ZNF526: variants seen among roughly 807,000 people sequenced by gnomAD.
ZNF526 encodes zinc finger protein 526.
ZNF526 carries 16 observed loss-of-function variants against 32.4 expected under a neutral mutation model. That is an observed-to-expected ratio of 0.49 (90% CI 0.33 to 0.75). ZNF526 has a LOEUF of 0.75. Ranked by LOEUF, ZNF526 falls within the 30% of genes least tolerant of loss-of-function variation. ZNF526 has a pLI of 0.02. For missense variants in ZNF526, 838 were observed against 920.7 expected, an observed-to-expected ratio of 0.91 and a Z score of 1.16; for synonymous variants, 355 against 363.4, an observed-to-expected ratio of 0.98 and a Z score of 0.26.
intron 1 of ZNF526, among the ~76,000 whole-genome samples, chr19:42,223,173 G>A (rs117813514): frequency 0.019 from 2,881 of 152,314 alleles, 41 homozygotes; most frequent in Non-Finnish European, 0.03. Flanking sequence ...AAAGGCTATG[G>A]TATTCTCAGA....
rs1239611887 is a variant in ZNF526, at chr19:42,225,689, C to A, written c.1286C>A (p.Pro429His). 2.5e-6 allele frequency: 4 copies of A among 1,611,730 alleles called. No homozygotes were observed. The highest frequency in any genetic ancestry group is 3.3e-5 in the Admixed American group (2 of 59,862). The part of the protein sequence containing the change: ...GATAPPAPAE[P>H]TPPPPPPAPP... ...ACAGCTCCCCCAGCTCCAGCGGAGC[C>A]CACCCCTCCACCACCACCCCCTGCC... The change falls in exon 3 of 3, where the codon CCC becomes CAC. Residue 429 changes from proline to histidine, a missense_variant. Coordinates refer to ENST00000301215, the MANE Select transcript of ZNF526 (RefSeq NM_133444.3).
Position 42,227,982 on chromosome 19 carries a change from C to T in ZNF526, c.*1566C>T, listed in dbSNP as rs1178304169. On this transcript the variant is annotated 3_prime_UTR_variant, in exon 3 of 3. Transcript: ENST00000301215. ...GGGAGGCTGAGGCAGGAGGATCACTCGAGCTCAAGAATTCAAGACCTGGGC... is the reference window on the plus strand; with the variant it reads ...GGGAGGCTGAGGCAGGAGGATCACTTGAGCTCAAGAATTCAAGACCTGGGC... 4 of 151,912 alleles carry T rather than the reference C, an allele frequency of 2.6e-5. No homozygotes were observed. The highest frequency in any genetic ancestry group is 5.9e-5 in the Non-Finnish European group (4 of 67,992). The allele number at this position is 151,912 out of a possible 1,614,324, so 9.4% of individuals were successfully genotyped here.
intron 1 of ZNF526, 33 bp from the exon 2 acceptor site, chr19:42,224,182 G>T: frequency 3.1e-5 from 14 of 451,422 alleles, no homozygotes; most frequent in Admixed American, 1.1e-4. Context: ...AAAAAAAAAA[G>T]AGGCTGGGCT....
Position 42,226,294 on chromosome 19 carries a change from A to G in ZNF526, c.1891A>G (p.Thr631Ala). The G allele has an allele frequency of 6.2e-7, 1 of 1,614,090 alleles. No homozygotes were observed. The highest frequency in any genetic ancestry group is 8.5e-7 in the Non-Finnish European group (1 of 1,180,030). ...TATCATGTGCACAGAGCTGGGGGAGACCATCGCCATCATTGAGACATCCCA... is the reference window on the plus strand; with the variant it reads ...TATCATGTGCACAGAGCTGGGGGAGGCCATCGCCATCATTGAGACATCCCA... ...QTIMCTELGE[T>A]IAIIETSQPL... is the part of the protein sequence containing the mutation. Residue 631 changes from threonine to alanine, a missense_variant, in exon 3 of 3, where the codon ACC becomes GCC. By Grantham distance (58) the Thr-to-Ala change is moderately conservative. Transcript: ENST00000301215.
In ZNF526 at chr19:42,226,819, C is replaced by T. The variant is rs1348760274; in HGVS notation, c.*403C>T. On this transcript the variant is annotated 3_prime_UTR_variant, in exon 3 of 3. Coordinates refer to ENST00000301215, the MANE Select transcript of ZNF526 (RefSeq NM_133444.3). ...TGCTTGTACCCCCAGCCCTTGCCTTCCCTGGATTTTGGGCACCCAGGACTT... is the reference window on the plus strand; with the variant it reads ...TGCTTGTACCCCCAGCCCTTGCCTTTCCTGGATTTTGGGCACCCAGGACTT... 3.5e-5 allele frequency: 11 copies of T among 315,370 alleles called. No individual in the cohort carries two copies. The highest frequency in any genetic ancestry group is 9.1e-5 in the Admixed American group (2 of 22,074). The allele number at this position is 315,370 out of a possible 1,614,324, so 19.5% of individuals were successfully genotyped here.
chr19:42,224,187 T>C, intron 1 of ZNF526, 28 bp from the exon 2 acceptor site: 1 of 541,092 alleles, frequency 1.8e-6, no homozygotes, highest in South Asian at 2.1e-5. Flanking sequence ...AAAAAGAGGC[T>C]GGGCTGAGTG....
At chr19:42,221,888 T>C (rs1194720282) in intron 1 of ZNF526, among the ~76,000 whole-genome samples, 1 of 150,394 alleles carries the variant, frequency 6.6e-6, no homozygotes, top group African/African-American at 2.4e-5. Flanking sequence ...AGCCTCCACC[T>C]CCTGGGCTCA....
In ZNF526 at chr19:42,224,537, C is replaced by T. The variant is rs2036153611; in HGVS notation, c.134C>T (p.Ala45Val). The change falls in exon 3 of 3, where the codon GCC becomes GTC. Residue 45 changes from alanine to valine, a missense_variant. By Grantham distance (64) the Ala-to-Val change is moderately conservative. Coordinates refer to ENST00000301215, the MANE Select transcript of ZNF526 (RefSeq NM_133444.3). ...TEVTEMTPGE[A>V]LASSLFFQHH... ...GTGACTGAGATGACACCTGGGGAGG[C>T]CCTTGCCTCATCCCTCTTCTTCCAG... 1.2e-5 allele frequency: 19 copies of T among 1,614,226 alleles called. No homozygotes were observed. In the East Asian group the frequency reaches 4.2e-4, roughly 36 times the overall value.
chr19:42,226,100 G>T lies in ZNF526; in HGVS notation c.1697G>T (p.Gly566Val). The T allele has an allele frequency of 6.2e-7, 1 of 1,606,134 alleles. No homozygotes were observed. The highest frequency in any genetic ancestry group is 8.5e-7 in the Non-Finnish European group (1 of 1,180,004). ...FARAPRLPIT[G>V]LYNKSPYYCG... ...CGCGCCCCCCGCCTCCCCATCACTG[G>T]TCTCTACAACAAGAGTCCCTACTAC... Residue 566 changes from glycine to valine, a missense_variant, in exon 3 of 3, where the codon GGT becomes GTT. Physicochemically the swap from Gly to Val is moderately radical, Grantham distance 109. Coordinates refer to ENST00000301215, the MANE Select transcript of ZNF526 (RefSeq NM_133444.3).
Position 42,225,775 on chromosome 19 carries a change from TCCCGGCACC to T in ZNF526, c.1373_1381del (p.Ser458_Arg461delinsTrp), listed in dbSNP as rs1459764460. ...GTCCTTTGCCTCAGCTTCCCGGCTG[TCCCGGCACC>T]GGCGTGCAGTACACGGGCCCCCTGA... is the stretch of plus-strand genomic sequence containing the variant. On this transcript the variant is annotated inframe_deletion, in exon 3 of 3. Transcript: ENST00000301215. 6.2e-7 allele frequency: 1 copy of T among 1,611,646 alleles called. No individual in the cohort carries two copies. Among genetic ancestry groups the T allele is most frequent in the South Asian group, 1.1e-5 (1 of 90,968 alleles).
At chr19:42,221,826 A>G (rs75435103) in intron 1 of ZNF526, among the ~76,000 whole-genome samples, 11,643 of 125,548 alleles carry the variant, frequency 0.093, 629 homozygotes, top group South Asian at 0.2. Flanking sequence ...CAAAAGGAGG[A>G]AAAAAAAAAA....
At chr19:42,220,608 C>T (rs2036111834) in intron 1 of ZNF526, 1 of 152,176 alleles carries the variant, frequency 6.6e-6, no homozygotes, top group Non-Finnish European at 1.5e-5. Flanking sequence ...CTGCTGCGAG[C>T]TCTCACCCTG....
rs1189374258 is a variant in ZNF526 at position 42,226,132 on chromosome 19, A to G, written c.1729A>G (p.Thr577Ala). The change falls in exon 3 of 3, where the codon ACT becomes GCT. Residue 577 changes from threonine to alanine, a missense_variant. Coordinates refer to ENST00000301215, the MANE Select transcript of ZNF526 (RefSeq NM_133444.3). ...LYNKSPYYCG[T>A]CGRWFRAMAG... ...CAACAAGAGTCCCTACTACTGCGGG[A>G]CTTGTGGCCGCTGGTTCCGCGCCAT... The G allele has an allele frequency of 6.2e-7, 1 of 1,606,382 alleles. No individual in the cohort carries two copies. Among genetic ancestry groups the G allele is most frequent in the East Asian group, 2.2e-5 (1 of 44,868 alleles).
At chr19:42,220,542 T>A (rs2146925196) in intron 1 of ZNF526, 155 bp downstream of exon 1, 1 of 152,352 alleles carries the variant, frequency 6.6e-6, no homozygotes, top group East Asian at 1.9e-4. Context: ...CCTTCCTGTG[T>A]GCCCTGGGGC....
In ZNF526 at chr19:42,225,011, C is replaced by G. The variant is rs779532992; in HGVS notation, c.608C>G (p.Ser203Cys). The change falls in exon 3 of 3, where the codon TCT becomes TGT. Residue 203 changes from serine (S) to cysteine (C), a missense_variant. Transcript: ENST00000301215. ...KMEPYECPEC[S>C]TLCATPEEFL... Reference sequence around the variant, plus strand: ...GAGCCCTATGAGTGTCCTGAGTGCTCTACCCTCTGCGCCACCCCTGAGGAG... The same window carrying G: ...GAGCCCTATGAGTGTCCTGAGTGCTGTACCCTCTGCGCCACCCCTGAGGAG... 2 of 1,614,218 alleles carry G rather than the reference C, an allele frequency of 1.2e-6. No individual in the cohort carries two copies. Among genetic ancestry groups the G allele is most frequent in the Non-Finnish European group, 1.7e-6 (2 of 1,180,034 alleles).
chr19:42,221,219 G>A (rs2036119625), intron 1 of ZNF526, among the ~76,000 whole-genome samples: 1 of 152,206 alleles, frequency 6.6e-6, no homozygotes, highest in Admixed American at 6.5e-5. Flanking sequence ...GGGTCGGCCA[G>A]GCAGTGGCTT....
intron 1 of ZNF526, among the ~76,000 whole-genome samples, chr19:42,223,523 C>T (rs2036141990): frequency 6.6e-6 from 1 of 152,166 alleles, no homozygotes. Flanking sequence ...CGCCTGTAGT[C>T]CCAGCTACTC....
At chr19:42,220,520 AAGG>A (rs1431399428) in intron 1 of ZNF526, 133 bp downstream of exon 1, 1 of 152,244 alleles carries the variant, frequency 6.6e-6, no homozygotes, top group African/African-American at 2.4e-5. Flanking sequence ...CGCGGGCTGG[AAGG>A]AGAGCACTCC....
At chr19:42,221,962 C>T (rs746139858) in intron 1 of ZNF526, among the ~76,000 whole-genome samples, 7 of 152,186 alleles carry the variant, frequency 4.6e-5, no homozygotes, top group Non-Finnish European at 7.3e-5. Context: ...CCACACCTGG[C>T]CTGGGAGCAT....
Sources: gnomAD v4.1 joint callset for allele counts (sites outside exome capture counted in the v4.1 genomes callset) on GRCh38, gnomAD v4.1.1 for gene constraint, MANE v1.5 for transcripts, NCBI Gene and HGNC (gene_info 2026-07-23, HGNC 2026-07-21) for gene names.